PTX3: variants seen among roughly 807,000 people sequenced by gnomAD.
PTX3 encodes pentraxin-related protein PTX3.
A neutral mutation model predicts 23.5 loss-of-function variants in PTX3; 24 were observed. The observed-to-expected ratio is 1.02, with a 90% confidence interval of 0.74 to 1.43. The LOEUF is 1.43. PTX3 is among the 40% of genes most tolerant of loss of function. The pLI is 0.00. For missense variants in PTX3, 510 were observed against 497.5 expected (o/e 1.02, Z -0.24); for synonymous variants, 218 against 205.4 (o/e 1.06, Z -0.53).
rs893668750 is a variant in PTX3 at position 157,443,594 on chromosome 3, C to T, written c.*615C>T. The stretch of plus-strand genomic sequence containing the variant: ...TAAAATATTTTATAAAACTAGCTCA[C>T]GTCATTTAATTATAAATTTAAGAGA... On this transcript the variant is annotated 3_prime_UTR_variant, in exon 3 of 3. Transcript: ENST00000295927. The T allele has an allele frequency of 5.9e-5, 9 of 152,480 alleles. No individual in the cohort carries two copies. Among genetic ancestry groups the T allele is most frequent in the Admixed American group, 1.3e-4 (2 of 15,268 alleles). 9.4% of individuals were successfully genotyped at this position (152,480 alleles called of 1,614,324 possible). A position where few individuals can be genotyped will look rare whatever the true frequency, so the allele number is the denominator to read the frequency against.
intron 2 of PTX3, among the ~76,000 whole-genome samples, chr3:157,439,438 T>A (rs932306272): frequency 2.0e-5 from 3 of 152,214 alleles, no homozygotes; most frequent in African/African-American, 7.2e-5. Flanking sequence ...AGAACCTGGT[T>A]TTAATTTTGT....
intron 2 of PTX3, among the ~76,000 whole-genome samples, 155 bp downstream of exon 2, chr3:157,438,069 A>ACACACACACACC (rs1237245016): frequency 4.4e-4 from 66 of 149,652 alleles, no homozygotes; most frequent in African/African-American, 9.7e-4. Context: ...ACACACACAC[A>ACACACACACACC]CACCCCTATT....
At chr3:157,439,475 A>G (rs915488811) in intron 2 of PTX3, among the ~76,000 whole-genome samples, 3 of 152,214 alleles carry the variant, frequency 2.0e-5, no homozygotes, top group African/African-American at 4.8e-5. Flanking sequence ...AGAAAAACCT[A>G]TTAGTTAAAA....
Position 157,437,077 on chromosome 3 carries a change from A to C in PTX3, c.130+14A>C. 1 of 1,613,038 alleles carries C rather than the reference A, an allele frequency of 6.2e-7. No homozygotes were observed. Among genetic ancestry groups the C allele is most frequent in the Non-Finnish European group, 8.5e-7 (1 of 1,179,108 alleles). On this transcript the variant is annotated intron_variant, in intron 1 of 2. Coordinates refer to ENST00000295927, the MANE Select transcript of PTX3 (RefSeq NM_002852.4). ...CCACTGAGGACCGTAAGTTCACTTT[A>C]ACTGTTTCTCTGCTAACCCTGACTA...
intron 2 of PTX3, 101 bp downstream of exon 2, chr3:157,438,015 T>A (rs1254302123): frequency 1.7e-5 from 23 of 1,352,942 alleles, no homozygotes; most frequent in Non-Finnish European, 2.2e-5. Context: ...GAAGCTTTCA[T>A]GGGAAGCGCG....
Position 157,442,753 on chromosome 3 carries a change from T to G in PTX3, c.920T>G (p.Ile307Ser). 1.9e-6 allele frequency: 3 copies of G among 1,614,178 alleles called. No homozygotes were observed. The highest frequency in any genetic ancestry group is 2.2e-5 in the South Asian group (2 of 91,082). ...GGTCACATTGTTCCTGAGGGAGGAATCCTGCAGATTGGCCAAGAAAAGAAT... is the reference window on the plus strand; with the variant it reads ...GGTCACATTGTTCCTGAGGGAGGAAGCCTGCAGATTGGCCAAGAAAAGAAT... ...ATGHIVPEGG[I>S]LQIGQEKNGC... The change falls in exon 3 of 3, where the codon ATC (isoleucine) becomes AGC (serine). Residue 307 changes from isoleucine to serine, a missense_variant. Coordinates refer to ENST00000295927, the MANE Select transcript of PTX3 (RefSeq NM_002852.4).
chr3:157,440,100 T>C (rs749334967), intron 2 of PTX3, among the ~76,000 whole-genome samples: 10 of 152,200 alleles, frequency 6.6e-5, no homozygotes, highest in Non-Finnish European at 1.3e-4. Context: ...GTGATTTTTT[T>C]CAGTGATTTT....
rs1733722792 is a variant in PTX3, at chr3:157,437,648, GGGA to G, written c.271_273del (p.Glu91del). On this transcript the variant is annotated inframe_deletion, in exon 2 of 3. Coordinates refer to ENST00000295927, the MANE Select transcript of PTX3 (RefSeq NM_002852.4). The stretch of plus-strand genomic sequence containing the variant: ...CTGCGGGGCGAGCTGCAGAGGCTGC[GGGA>G]GGAGCTGGGCCGGCTCGCGGAAAGC... 6.5e-7 allele frequency: 1 copy of G among 1,546,480 alleles called. No homozygotes were observed. Among genetic ancestry groups the G allele is most frequent in the South Asian group, 1.2e-5 (1 of 84,098 alleles).
intron 2 of PTX3, among the ~76,000 whole-genome samples, chr3:157,441,564 T>C (rs923879882): frequency 2.0e-5 from 3 of 151,910 alleles, no homozygotes; most frequent in Non-Finnish European, 2.9e-5. Context: ...AATCCCAGCA[T>C]TTTGGGAGGC....
Position 157,437,056 on chromosome 3 carries a change from T to C in PTX3, c.123T>C (p.Thr41=), listed in dbSNP as rs1733650443. The change falls in exon 1 of 3, where the codon ACT becomes ACC. Residue 41 remains threonine, a synonymous_variant. Transcript: ENST00000295927. The part of the protein sequence containing the change: ...DNEIDNGLHP[T]EDPTPCACGQ... ...AAATAGACAATGGACTCCATCCCAC[T>C]GAGGACCGTAAGTTCACTTTAACTG... The C allele has an allele frequency of 6.2e-7, 1 of 1,613,870 alleles. No individual in the cohort carries two copies. The highest frequency in any genetic ancestry group is 1.1e-5 in the South Asian group (1 of 91,074).
Position 157,442,742 on chromosome 3 carries a change from TGAGG to T in PTX3, c.914_917del (p.Gly305GlufsTer22). ...AGATGGCCACAGGTCACATTGTTCC[TGAGG>T]GAGGAATCCTGCAGATTGGCCAAGA... On this transcript the variant is annotated frameshift_variant, in exon 3 of 3. Coordinates refer to ENST00000295927, the MANE Select transcript of PTX3 (RefSeq NM_002852.4). LOFTEE classifies it high-confidence loss of function. The T allele has an allele frequency of 6.2e-7, 1 of 1,614,226 alleles. No homozygotes were observed. Among genetic ancestry groups the T allele is most frequent in the Non-Finnish European group, 8.5e-7 (1 of 1,180,042 alleles).
intron 2 of PTX3, among the ~76,000 whole-genome samples, chr3:157,440,578 A>G (rs1163102457): frequency 6.6e-6 from 1 of 152,170 alleles, no homozygotes; most frequent in Admixed American, 6.5e-5. Context: ...AAATACCTAC[A>G]TACACATACA....
intron 2 of PTX3, among the ~76,000 whole-genome samples, chr3:157,438,820 A>G (rs2109208475): frequency 6.6e-6 from 1 of 152,330 alleles, no homozygotes; most frequent in African/African-American, 2.4e-5. Context: ...GTATGCCAAA[A>G]CTTCTAAGAA....
Position 157,443,112 on chromosome 3 carries a change from T to C in PTX3, c.*133T>C, listed in dbSNP as rs1383746061. The C allele has an allele frequency of 9.4e-7, 1 of 1,064,340 alleles. No individual in the cohort carries two copies. Among genetic ancestry groups the C allele is most frequent in the East Asian group, 2.6e-5 (1 of 38,698 alleles). The allele number at this position is 1,064,340 out of a possible 1,614,324, so 65.9% of individuals were successfully genotyped here. ...TGAAAGAGAGAGTTGAGACCAATCT[T>C]TATTTGTACTGGCCAAATACTGAAT... On this transcript the variant is annotated 3_prime_UTR_variant, in exon 3 of 3. Coordinates refer to ENST00000295927, the MANE Select transcript of PTX3 (RefSeq NM_002852.4).
chr3:157,439,424 C>T (rs139570335), intron 2 of PTX3, among the ~76,000 whole-genome samples: 150 of 152,286 alleles, frequency 9.8e-4, no homozygotes, highest in African/African-American at 3.5e-3. Context: ...TTGTTAGCCT[C>T]CTAAGAACCT....
chr3:157,438,069 A>ACACACACACACACACACACC (rs1237245016), intron 2 of PTX3, among the ~76,000 whole-genome samples, 155 bp downstream of exon 2: 1 of 149,564 alleles, frequency 6.7e-6, no homozygotes, highest in Non-Finnish European at 1.5e-5. Context: ...ACACACACAC[A>ACACACACACACACACACACC]CACCCCTATT....
intron 2 of PTX3, 108 bp from the exon 3 acceptor site, chr3:157,442,258 C>T: frequency 1.9e-6 from 2 of 1,045,974 alleles, no homozygotes; most frequent in African/African-American, 3.2e-5. Context: ...TTTCACATAG[C>T]TTTCAATTGT....
At chr3:157,440,442 G>T (rs771883460) in intron 2 of PTX3, among the ~76,000 whole-genome samples, 4 of 152,006 alleles carry the variant, frequency 2.6e-5, no homozygotes, top group Non-Finnish European at 4.4e-5. Context: ...TGGATGTTTG[G>T]TTTCTGCAAG....
chr3:157,438,057 A>G (rs1445310964), intron 2 of PTX3, 143 bp downstream of exon 2: 2 of 744,652 alleles, frequency 2.7e-6, no homozygotes, highest in African/African-American at 1.9e-5. Flanking sequence ...ACACACACAC[A>G]CACACACACA....
Sources: allele counts gnomAD v4.1 joint callset (sites outside exome capture counted in the v4.1 genomes callset), GRCh38; gene constraint gnomAD v4.1.1; transcripts MANE v1.5; gene names NCBI Gene and HGNC (gene_info 2026-07-23, HGNC 2026-07-21).